The following CFAP299 variants were observed in gnomAD, a reference collection of about 807,000 sequenced individuals.
The protein encoded by CFAP299 is cilia- and flagella-associated protein 299.
In CFAP299, 21 loss-of-function variants were observed where a neutral mutation model predicts 27.0. That is an observed-to-expected ratio of 0.78 (90% CI 0.55 to 1.12). The LOEUF is 1.12. CFAP299 is among the 50% of genes most tolerant of loss of function. The pLI is 0.00. For synonymous variants in CFAP299, 104 were observed against 98.1 expected (o/e 1.06, Z -0.36); for missense variants, 310 against 276.6 (o/e 1.12, Z -0.86).
chr4:80,819,204 G>A (rs1304959420), intron 3 of CFAP299, among the ~76,000 whole-genome samples: 1 of 152,076 alleles, frequency 6.6e-6, no homozygotes, highest in African/African-American at 2.4e-5. Context: ...AATATACTCT[G>A]TCAGAGCAAC....
At chr4:80,847,943 C>T (rs1731272174) in intron 3 of CFAP299, among the ~76,000 whole-genome samples, 1 of 152,148 alleles carries the variant, frequency 6.6e-6, no homozygotes, top group African/African-American at 2.4e-5. Flanking sequence ...GGCATGGTGG[C>T]TCATGCCTGC....
intron 2 of CFAP299, among the ~76,000 whole-genome samples, chr4:80,364,955 C>A (rs1578358675): frequency 6.6e-6 from 1 of 152,150 alleles, no homozygotes; most frequent in South Asian, 2.1e-4. Flanking sequence ...TTTATGGCTG[C>A]ATAGTATTCC....
intron 3 of CFAP299, among the ~76,000 whole-genome samples, chr4:80,661,094 G>C (rs935080468): frequency 6.6e-6 from 1 of 152,106 alleles, no homozygotes; most frequent in African/African-American, 2.4e-5. Context: ...GAGAGACTGA[G>C]GCAGGTGGAT....
intron 2 of CFAP299, among the ~76,000 whole-genome samples, chr4:80,421,600 C>CA (rs200918622): frequency 0.015 from 2,298 of 152,200 alleles, 43 homozygotes; most frequent in South Asian, 0.093. Flanking sequence ...GGAGGAGGAG[C>CA]AAAAACAACA....
intron 3 of CFAP299, among the ~76,000 whole-genome samples, chr4:80,642,078 T>C (rs1415798102): frequency 6.6e-6 from 1 of 152,244 alleles, no homozygotes; most frequent in Non-Finnish European, 1.5e-5. Context: ...AAGGCCAGTC[T>C]GAGGAGTTTG....
intron 2 of CFAP299, among the ~76,000 whole-genome samples, chr4:80,542,394 T>C (rs1216255352): frequency 1.3e-5 from 2 of 152,136 alleles, no homozygotes; most frequent in Non-Finnish European, 2.9e-5. Flanking sequence ...TCGAGTAAAC[T>C]GTCATACTCT....
At chr4:80,957,993 T>C (rs1323079331) in intron 5 of CFAP299, among the ~76,000 whole-genome samples, 2 of 152,160 alleles carry the variant, frequency 1.3e-5, no homozygotes, top group African/African-American at 2.4e-5. Flanking sequence ...AATACTAAAT[T>C]AAATTCTGTC....
At position 80,864,483 on chromosome 4, in the gene CFAP299, T is replaced by C. The variant is rs111878816; in HGVS notation, c.334-5510T>C. ...GTATATATATACCTATGTGTATACA[T>C]ATATACACATATATATACATATATA... is the stretch of plus-strand genomic sequence containing the variant. On this transcript the variant is annotated intron_variant, in intron 3 of 5. Transcript: ENST00000358105. 1.3e-4 allele frequency among the ~76,000 whole-genome samples: 17 copies of C among 131,418 alleles called. No individual in the cohort carries two copies. The East Asian group carries it at 1.5e-3, about 11-fold the overall frequency. The allele number at this position is 131,418 out of a possible 152,430, so 86.2% of individuals were successfully genotyped here.
At chr4:80,331,041 G>A (rs1467629694), upstream of CFAP299, among the ~76,000 whole-genome samples, 1 of 152,172 alleles carries the variant, frequency 6.6e-6, no homozygotes, top group Non-Finnish European at 1.5e-5. Context: ...GCATTAGAAA[G>A]TGCTCTGGGA....
intron 3 of CFAP299, among the ~76,000 whole-genome samples, chr4:80,625,435 C>A (rs1288381479): frequency 6.6e-6 from 1 of 151,632 alleles, no homozygotes; most frequent in African/African-American, 2.4e-5. Flanking sequence ...AATCACTTAG[C>A]TATAAAAGAA....
chr4:80,844,831 T>C (rs1472605013), intron 3 of CFAP299, among the ~76,000 whole-genome samples: 3 of 152,228 alleles, frequency 2.0e-5, no homozygotes, highest in Admixed American at 6.5e-5. Flanking sequence ...TCCTTGGCCA[T>C]GCCTATGTCC....
At chr4:80,951,544 C>A (rs1228869938) in intron 5 of CFAP299, among the ~76,000 whole-genome samples, 2 of 152,122 alleles carry the variant, frequency 1.3e-5, no homozygotes, top group Non-Finnish European at 2.9e-5. Context: ...TGATTAGGAG[C>A]AATTCCTATT....
chr4:80,571,574 C>CAT (rs1431089302), intron 2 of CFAP299, among the ~76,000 whole-genome samples: 2 of 151,926 alleles, frequency 1.3e-5, no homozygotes, highest in Non-Finnish European at 2.9e-5. Flanking sequence ...TGAGAAACAG[C>CAT]ATATTATGGA....
chr4:80,675,643 A>T (rs1719391623), intron 3 of CFAP299, among the ~76,000 whole-genome samples: 1 of 152,140 alleles, frequency 6.6e-6, no homozygotes, highest in South Asian at 2.1e-4. Flanking sequence ...CTGCCCCCAG[A>T]GGTGGGGTCT....
Position 80,407,187 on chromosome 4 carries a change from C to T in CFAP299, c.242+44303C>T, listed in dbSNP as rs115943646. On this transcript the variant is annotated intron_variant, in intron 2 of 5. Coordinates refer to ENST00000358105, the MANE Select transcript of CFAP299 (RefSeq NM_152770.3). ...TTTAAAAAAAAAACAGTAGAATACA[C>T]AATAATAAAAGCCAACAGAGTATAG... Among the ~76,000 whole-genome samples, 673 of 151,942 alleles carry T rather than the reference C, an allele frequency of 4.4e-3. 7 individuals carry two copies. Among genetic ancestry groups the T allele is most frequent in the African/African-American group, 0.016 (651 of 41,442 alleles).
At chr4:80,956,220 T>G (rs1738056255) in intron 5 of CFAP299, among the ~76,000 whole-genome samples, 1 of 152,198 alleles carries the variant, frequency 6.6e-6, no homozygotes, top group Non-Finnish European at 1.5e-5. Context: ...TTTAGATAGA[T>G]ATTGTCAAAT....
At chr4:80,845,913 T>G (rs1462979005) in intron 3 of CFAP299, among the ~76,000 whole-genome samples, 1 of 152,208 alleles carries the variant, frequency 6.6e-6, no homozygotes, top group Non-Finnish European at 1.5e-5. Context: ...CTATCAAGCA[T>G]GCAAATGACT....
the CFAP299 span, among the ~76,000 whole-genome samples, chr4:80,329,699 C>T: frequency 1.3e-5 from 2 of 151,822 alleles, no homozygotes; most frequent in African/African-American, 2.4e-5. Flanking sequence ...TTTTTTTTCC[C>T]TTTCTATATC....
At chr4:80,573,643 G>A (rs1421053690) in intron 2 of CFAP299, among the ~76,000 whole-genome samples, 1 of 152,070 alleles carries the variant, frequency 6.6e-6, no homozygotes, top group East Asian at 1.9e-4. Flanking sequence ...TTTTGTATAT[G>A]GTGAGAGATA....
Sources: gnomAD v4.1 joint callset for allele counts (sites outside exome capture counted in the v4.1 genomes callset) on GRCh38, gnomAD v4.1.1 for gene constraint, MANE v1.5 for transcripts, NCBI Gene and HGNC (gene_info 2026-07-23, HGNC 2026-07-21) for gene names.